AKAP6: variants seen among roughly 807,000 people sequenced by gnomAD.
AKAP6 encodes A-kinase anchor protein 6.
A neutral mutation model predicts 188.5 loss-of-function variants in AKAP6; 58 were observed. The ratio of observed to expected loss-of-function variants is 0.31; its 90% confidence interval spans 0.25 to 0.38. The LOEUF (loss-of-function observed/expected upper bound fraction) is 0.38. Ranked by LOEUF, AKAP6 falls within the 10% of genes least tolerant of loss-of-function variation. The probability of loss-of-function intolerance (pLI) is 1.00; values close to 1 mark genes in which losing one functional copy is unlikely to be tolerated. For synonymous variants in AKAP6, 989 were observed against 998.6 expected, an observed-to-expected ratio of 0.99 and a Z score of 0.18; for missense variants, 2,710 against 2,740.0, an observed-to-expected ratio of 0.99 and a Z score of 0.24.
chr14:32,669,623 A>G (rs538612903), intron 7 of AKAP6, among the ~76,000 whole-genome samples: 3 of 152,186 alleles, frequency 2.0e-5, no homozygotes, highest in Admixed American at 2.0e-4. Context: ...AAGTGTATTC[A>G]TCCATTCTCA....
At position 32,469,086 on chromosome 14, in the gene AKAP6, A is replaced by T. The variant is rs1878622863; in HGVS notation, c.324+35269A>T. Among the ~76,000 whole-genome samples, 4 of 152,214 alleles carry T rather than the reference A, an allele frequency of 2.6e-5. No individual in the cohort carries two copies. In the South Asian group the frequency reaches 8.3e-4, roughly 32 times the overall value. ...CTGTTTTGTCATACCTCCCTGACTC[A>T]TGGGGTGTACTGTGAGAACTGTTGC... On this transcript the variant is annotated intron_variant, in intron 2 of 13. Coordinates refer to ENST00000280979, the MANE Select transcript of AKAP6 (RefSeq NM_004274.5).
intron 12 of AKAP6, among the ~76,000 whole-genome samples, chr14:32,800,151 T>TAC (rs202028215): frequency 0.39 from 56,450 of 144,566 alleles, 11,220 homozygotes; most frequent in Non-Finnish European, 0.41. Flanking sequence ...CACACATATA[T>TAC]ACATATATAT....
rs766419719 is a variant in AKAP6, at chr14:32,824,051, G to A, written c.6238G>A (p.Glu2080Lys). 23 of 1,613,728 alleles carry A rather than the reference G, an allele frequency of 1.4e-5. No individual in the cohort carries two copies. The highest frequency in any genetic ancestry group is 1.1e-4 in the East Asian group (5 of 44,882). Residue 2080 changes from glutamate (E) to lysine (K), a missense_variant, in exon 13 of 14, where the codon GAG becomes AAG. This residue lies in a region of AKAP6 where 2,473 missense variants were observed against 2,426.1 expected (regional missense o/e 1.02). Transcript: ENST00000280979. The part of the protein sequence containing the change: ...ALKSKSQPEN[E>K]VAAPTSLTQI... ...AAAAAGTAAATCTCAACCTGAAAACGAGGTGGCTGCTCCTACTTCATTAAC... is the reference window on the plus strand; with the variant it reads ...AAAAAGTAAATCTCAACCTGAAAACAAGGTGGCTGCTCCTACTTCATTAAC...
intron 2 of AKAP6, among the ~76,000 whole-genome samples, chr14:32,434,877 G>A (rs12588531): frequency 0.026 from 3,935 of 152,190 alleles, 58 homozygotes; most frequent in East Asian, 0.078. Flanking sequence ...GAGTGTGGTC[G>A]GGGGAGAGAA....
intron 1 of AKAP6, among the ~76,000 whole-genome samples, chr14:32,399,424 T>C (rs1352492952): frequency 6.6e-6 from 1 of 152,166 alleles, no homozygotes; most frequent in Non-Finnish European, 1.5e-5. Flanking sequence ...CTCCCCATAC[T>C]CTCAAAAATA....
chr14:32,493,688 G>A (rs1281401205), intron 2 of AKAP6, among the ~76,000 whole-genome samples: 1 of 152,144 alleles, frequency 6.6e-6, no homozygotes, highest in Non-Finnish European at 1.5e-5. Context: ...AGTTGGTTGG[G>A]GGTAGCTTGC....
chr14:32,758,364 G>A (rs1486558578), intron 11 of AKAP6, among the ~76,000 whole-genome samples: 1 of 152,214 alleles, frequency 6.6e-6, no homozygotes, highest in East Asian at 1.9e-4. Flanking sequence ...ATCCTTGATG[G>A]CTTTGTAACT....
At chr14:32,414,583 G>T (rs1181866420) in intron 1 of AKAP6, among the ~76,000 whole-genome samples, 3 of 152,152 alleles carry the variant, frequency 2.0e-5, no homozygotes, top group Admixed American at 2.0e-4. Context: ...TTTTACAGCT[G>T]AATGAATTGG....
At position 32,433,717 on chromosome 14, in the gene AKAP6, C is replaced by G. The variant is rs749197104; in HGVS notation, c.224C>G (p.Thr75Ser). 1 of 1,614,220 alleles carries G rather than the reference C, an allele frequency of 6.2e-7. No homozygotes were observed. The highest frequency in any genetic ancestry group is 2.2e-5 in the East Asian group (1 of 44,884). ...KIVLHLPEIE[T>S]WLRMTSERVR... ...GTCCTCCACTTACCTGAAATTGAGA[C>G]CTGGCTCCGGATGACCTCAGAGAGG... The change falls in exon 2 of 14, where the codon ACC becomes AGC. Residue 75 changes from threonine (T) to serine (S), a missense_variant. Coordinates refer to ENST00000280979, the MANE Select transcript of AKAP6 (RefSeq NM_004274.5).
chr14:32,462,937 C>G (rs1466714410), intron 2 of AKAP6, among the ~76,000 whole-genome samples: 7 of 101,464 alleles, frequency 6.9e-5, no homozygotes, highest in African/African-American at 2.5e-4. Flanking sequence ...CCCGGGGTTG[C>G]AATCCTAATC....
In AKAP6 at chr14:32,823,600, G is replaced by T; in HGVS notation, c.5787G>T (p.Glu1929Asp). Residue 1929 changes from glutamate to aspartate, a missense_variant, in exon 13 of 14, where the codon GAG becomes GAT. By Grantham distance (45) the Glu-to-Asp change is conservative (BLOSUM62 2). Transcript: ENST00000280979. ...GTTCACATGGGAAAGAGATTTCAGA[G>T]AGTGAGCATTGTAAGTGTAAAGCAC... is the stretch of plus-strand genomic sequence containing the variant. ...NLGSHGKEIS[E>D]SEHCKCKALM... 1.9e-6 allele frequency: 3 copies of T among 1,613,900 alleles called. No individual in the cohort carries two copies. The highest frequency in any genetic ancestry group is 2.5e-6 in the Non-Finnish European group (3 of 1,179,914).
At chr14:32,604,046 A>G (rs899501013) in intron 7 of AKAP6, among the ~76,000 whole-genome samples, 7 of 152,228 alleles carry the variant, frequency 4.6e-5, no homozygotes, top group Non-Finnish European at 8.8e-5. Flanking sequence ...TCTGGTTCTT[A>G]ATGATTAAGG....
chr14:32,631,653 C>T (rs1887278479), intron 7 of AKAP6, among the ~76,000 whole-genome samples: 1 of 151,818 alleles, frequency 6.6e-6, no homozygotes, highest in African/African-American at 2.4e-5. Flanking sequence ...AGCATTTTAC[C>T]AGTAAGATGT....
intron 8 of AKAP6, among the ~76,000 whole-genome samples, chr14:32,687,400 ATCTCTCTCTC>A (rs71115092): frequency 0.062 from 7,928 of 128,878 alleles, 617 homozygotes; most frequent in African/African-American, 0.19. Context: ...CATACTAACT[ATCTCTCTCTC>A]TCTCTCTCTC....
chr14:32,414,731 A>G (rs1889601784), intron 1 of AKAP6, among the ~76,000 whole-genome samples: 2 of 152,162 alleles, frequency 1.3e-5, no homozygotes, highest in South Asian at 4.1e-4. Flanking sequence ...AGATGACACA[A>G]AGCATTGAGG....
intron 1 of AKAP6, among the ~76,000 whole-genome samples, chr14:32,421,899 A>G (rs1006651191): frequency 2.6e-5 from 4 of 152,174 alleles, no homozygotes; most frequent in African/African-American, 9.7e-5. Context: ...AAATCAGGGA[A>G]GAGGGCTGGG....
chr14:32,660,586 A>G (rs1884618), intron 7 of AKAP6, among the ~76,000 whole-genome samples: 88,059 of 151,902 alleles, frequency 0.58, 26,094 homozygotes, highest in East Asian at 0.94. Flanking sequence ...TGGCCAAATG[A>G]ATTATGGAAC....
chr14:32,575,194 C>A (rs114899242), intron 4 of AKAP6, among the ~76,000 whole-genome samples: 1 of 151,972 alleles, frequency 6.6e-6, no homozygotes, highest in Non-Finnish European at 1.5e-5. Context: ...CAAATTTATG[C>A]AAATGCAGGA....
chr14:32,450,775 A>G (rs1443406849), intron 2 of AKAP6, among the ~76,000 whole-genome samples: 1 of 152,062 alleles, frequency 6.6e-6, no homozygotes, highest in Non-Finnish European at 1.5e-5. Flanking sequence ...TTTTCCTTCT[A>G]AAAAGTAGAA....
Sources: allele counts gnomAD v4.1 joint callset (sites outside exome capture counted in the v4.1 genomes callset), GRCh38; gene constraint gnomAD v4.1.1; regional missense constraint gnomAD v4.1.1; transcripts MANE v1.5; gene names NCBI Gene and HGNC (gene_info 2026-07-23, HGNC 2026-07-21).